SRD5A2: variants seen among roughly 807,000 people sequenced by gnomAD.
SRD5A2 encodes the protein 3-oxo-5-alpha-steroid 4-dehydrogenase 2.
A neutral mutation model predicts 27.4 loss-of-function variants in SRD5A2; 30 were observed. That is an observed-to-expected ratio of 1.10 (90% CI 0.82 to 1.49). The LOEUF (loss-of-function observed/expected upper bound fraction) is 1.49. Among genes scored for constraint, SRD5A2 ranks in the 40% most tolerant of loss-of-function variants. The pLI is 0.00. For synonymous variants in SRD5A2, 141 were observed against 133.6 expected, an observed-to-expected ratio of 1.06 and a Z score of -0.38; for missense variants, 348 against 323.4, an observed-to-expected ratio of 1.08 and a Z score of -0.58.
At chr2:31,528,347 C>A (rs957590202) in intron 4 of SRD5A2, among the ~76,000 whole-genome samples, 2 of 152,230 alleles carry the variant, frequency 1.3e-5, no homozygotes, top group African/African-American at 2.4e-5. Context: ...GGAAATAATC[C>A]TTCTGGAGTT....
At chr2:31,540,171 T>C (rs540999925) in intron 1 of SRD5A2, among the ~76,000 whole-genome samples, 3 of 152,062 alleles carry the variant, frequency 2.0e-5, no homozygotes, top group Non-Finnish European at 4.4e-5. Context: ...TAAAAAACTA[T>C]ATGAAAGAGA....
chr2:31,610,631 A>T, the SRD5A2 span, among the ~76,000 whole-genome samples: 1 of 152,208 alleles, frequency 6.6e-6, no homozygotes, highest in Non-Finnish European at 1.5e-5. Flanking sequence ...TGGAAGTCCT[A>T]GCCAAAACAA....
At chr2:31,589,981 G>A in the SRD5A2 span, among the ~76,000 whole-genome samples, 3 of 152,074 alleles carry the variant, frequency 2.0e-5, no homozygotes, top group African/African-American at 7.2e-5. Context: ...AGTGAGGCCC[G>A]TCACTGCCTG....
At chr2:31,535,590 T>G (rs1428715422) in intron 1 of SRD5A2, among the ~76,000 whole-genome samples, 2 of 152,224 alleles carry the variant, frequency 1.3e-5, no homozygotes, top group African/African-American at 4.8e-5. Context: ...GCTGTCTCCC[T>G]AGAAACTAAA....
chr2:31,568,267 G>T lies in SRD5A2; in HGVS notation c.281+12353C>A, dbSNP rs72867523. Among the ~76,000 whole-genome samples the T allele has an allele frequency of 5.3e-3, 800 of 152,272 alleles. 5 individuals carry two copies. The highest frequency in any genetic ancestry group is 0.018 in the African/African-American group (747 of 41,560). On this transcript the variant is annotated intron_variant, in intron 1 of 4. Transcript: ENST00000622030. ...CTTGTTGCCTGCAATGTGACAAGCAGGGGGGCATGTTTCAGACCTGTTTGT... is the reference window on the plus strand; with the variant it reads ...CTTGTTGCCTGCAATGTGACAAGCATGGGGGCATGTTTCAGACCTGTTTGT...
the SRD5A2 span, among the ~76,000 whole-genome samples, chr2:31,652,838 A>C: frequency 0.068 from 10,321 of 152,254 alleles, 496 homozygotes; most frequent in Non-Finnish European, 0.1. Context: ...TGAAAAGGAC[A>C]CTGAACTGCT....
chr2:31,654,148 A>G, the SRD5A2 span, among the ~76,000 whole-genome samples: 1 of 151,894 alleles, frequency 6.6e-6, no homozygotes, highest in Non-Finnish European at 1.5e-5. Flanking sequence ...ACAGTTCCAG[A>G]GATATGGGAC....
At chr2:31,584,734 G>C (rs559824416), upstream of SRD5A2, among the ~76,000 whole-genome samples, 147 of 152,274 alleles carry the variant, frequency 9.7e-4, no homozygotes, top group African/African-American at 3.2e-3. Context: ...AGTACTATGG[G>C]AGGTGGAGCA....
chr2:31,559,808 C>T (rs1014812087), intron 1 of SRD5A2, among the ~76,000 whole-genome samples: 2 of 149,626 alleles, frequency 1.3e-5, no homozygotes, highest in Non-Finnish European at 3.0e-5. Flanking sequence ...ACCAATACAT[C>T]AGTGCCCATA....
chr2:31,596,861 A>T, the SRD5A2 span, among the ~76,000 whole-genome samples: 1 of 152,244 alleles, frequency 6.6e-6, no homozygotes, highest in African/African-American at 2.4e-5. Flanking sequence ...AAATGAATGG[A>T]AACATAGCTC....
intron 1 of SRD5A2, among the ~76,000 whole-genome samples, chr2:31,567,456 G>GTGTATATATA (rs143408801): frequency 0.012 from 1,668 of 140,210 alleles, 12 homozygotes; most frequent in African/African-American, 0.019. Flanking sequence ...GTGTGTGTGT[G>GTGTATATATA]TATATATATA....
chr2:31,592,792 A>G, the SRD5A2 span, among the ~76,000 whole-genome samples: 1 of 152,180 alleles, frequency 6.6e-6, no homozygotes, highest in African/African-American at 2.4e-5. Context: ...AACACCCCCA[A>G]AAGATCACAC....
At chr2:31,590,266 T>A in the SRD5A2 span, among the ~76,000 whole-genome samples, 1 of 151,378 alleles carries the variant, frequency 6.6e-6, no homozygotes, top group African/African-American at 2.4e-5. Context: ...GAAACCCGAG[T>A]ACTAATCCTG....
At position 31,526,173 on chromosome 2, in the gene SRD5A2, T is replaced by C; in HGVS notation, c.*23A>G. On this transcript the variant is annotated 3_prime_UTR_variant, in exon 5 of 5. Coordinates refer to ENST00000622030, the MANE Select transcript of SRD5A2 (RefSeq NM_000348.4). Reference sequence around the variant, plus strand: ...GTTTTCATCAGCATTGTGGGAGCTCTGCTCCTTTTTAATTTGGTTCCTTTA... The same window carrying C: ...GTTTTCATCAGCATTGTGGGAGCTCCGCTCCTTTTTAATTTGGTTCCTTTA... The C allele has an allele frequency of 6.6e-7, 1 of 1,506,404 alleles. No homozygotes were observed. The highest frequency in any genetic ancestry group is 9.1e-7 in the Non-Finnish European group (1 of 1,100,588). 93.3% of individuals were successfully genotyped at this position (1,506,404 alleles called of 1,614,324 possible).
the SRD5A2 span, among the ~76,000 whole-genome samples, chr2:31,647,535 T>C: frequency 6.6e-6 from 1 of 152,230 alleles, no homozygotes; most frequent in Non-Finnish European, 1.5e-5. Context: ...TTAGTTTTCC[T>C]AGATTATTTG....
At chr2:31,539,686 G>A (rs1322714093) in intron 1 of SRD5A2, among the ~76,000 whole-genome samples, 1 of 152,168 alleles carries the variant, frequency 6.6e-6, no homozygotes, top group Non-Finnish European at 1.5e-5. Flanking sequence ...CTAGTGGAGA[G>A]TTGGAATATT....
At chr2:31,557,965 C>G (rs1331755160) in intron 1 of SRD5A2, among the ~76,000 whole-genome samples, 2 of 152,172 alleles carry the variant, frequency 1.3e-5, no homozygotes, top group African/African-American at 4.8e-5. Context: ...ACTTTCAGAT[C>G]GGCACTATGA....
intron 1 of SRD5A2, among the ~76,000 whole-genome samples, chr2:31,579,118 T>A (rs1277592261): frequency 6.6e-6 from 1 of 152,234 alleles, no homozygotes; most frequent in Non-Finnish European, 1.5e-5. Context: ...AAATAAAGAA[T>A]CTTGTTCACA....
At chr2:31,533,869 G>A (rs778809659) in intron 1 of SRD5A2, 103 bp from the exon 2 acceptor site, 822 of 1,330,640 alleles carry the variant, frequency 6.2e-4, no homozygotes, top group Non-Finnish European at 6.5e-4. Flanking sequence ...CAAAAACCAG[G>A]CTCTGCCATT....
Sources: gnomAD v4.1 joint callset for allele counts (sites outside exome capture counted in the v4.1 genomes callset) on GRCh38, gnomAD v4.1.1 for gene constraint, MANE v1.5 for transcripts, NCBI Gene and HGNC (gene_info 2026-07-23, HGNC 2026-07-21) for gene names.